The following ERGIC3 variants were observed in gnomAD, a reference collection of about 807,000 sequenced individuals.
ERGIC3 encodes ERGIC and golgi 3, also known as endoplasmic reticulum-Golgi intermediate compartment protein 3.
In ERGIC3, 33 loss-of-function variants were observed where a neutral mutation model predicts 54.7. The ratio of observed to expected loss-of-function variants is 0.60; its 90% CI spans 0.46 to 0.81. The LOEUF is 0.81. Among genes scored for constraint, ERGIC3 ranks in the 30% least tolerant of loss-of-function variants. ERGIC3 has a pLI of 0.00. For missense variants in ERGIC3, 399 were observed against 488.4 expected (o/e 0.82, Z 1.73); for synonymous variants, 186 against 189.8 (o/e 0.98, Z 0.16).
chr20:35,548,021 A>AT (rs199844259), intron 5 of ERGIC3, among the ~76,000 whole-genome samples: 2,403 of 151,828 alleles, frequency 0.016, 51 homozygotes, highest in African/African-American at 0.055. Context: ...GTGTACTTAA[A>AT]TTTTTTTTTA....
intron 4 of ERGIC3, chr20:35,543,794 TGGA>T: frequency 2.2e-6 from 1 of 448,474 alleles, no homozygotes; most frequent in Non-Finnish European, 4.7e-6. Context: ...TGGAGATGAC[TGGA>T]GGAGAAGGTT....
At chr20:35,544,619 C>G (rs1051706458) in intron 4 of ERGIC3, 2 of 242,942 alleles carry the variant, frequency 8.2e-6, no homozygotes, top group Non-Finnish European at 1.8e-5. Flanking sequence ...CCTCTCGGAT[C>G]ATGTCCCACA....
chr20:35,543,750 A>G (rs1188720893), intron 4 of ERGIC3: 5 of 469,834 alleles, frequency 1.1e-5, no homozygotes, highest in South Asian at 4.6e-5. Context: ...GTTGATTCCA[A>G]CGCTTTCAGC....
intron 4 of ERGIC3, among the ~76,000 whole-genome samples, chr20:35,547,019 C>T (rs993252078): frequency 6.6e-6 from 1 of 152,152 alleles, no homozygotes; most frequent in Admixed American, 6.5e-5. Flanking sequence ...GTGGCATACA[C>T]GTTGGAATTA....
At chr20:35,547,727 C>T (rs2064656929) in intron 5 of ERGIC3, among the ~76,000 whole-genome samples, 1 of 152,230 alleles carries the variant, frequency 6.6e-6, no homozygotes, top group African/African-American at 2.4e-5. Context: ...GGTCTCTGCT[C>T]TTCCACCTAG....
rs187103039 is a variant in ERGIC3, at chr20:35,547,514, G to C, written c.461+9G>C. The C allele has an allele frequency of 5.0e-6, 8 of 1,609,018 alleles. No individual in the cohort carries two copies. The highest frequency in any genetic ancestry group is 2.7e-5 in the African/African-American group (2 of 74,890). ...GAGGCAGAAGATATCAAGTGAGCTGGCGGGGAGCGGGAGCAGGGTTCCCAT... is the reference window on the plus strand; with the variant it reads ...GAGGCAGAAGATATCAAGTGAGCTGCCGGGGAGCGGGAGCAGGGTTCCCAT... On this transcript the variant is annotated intron_variant, in intron 5 of 12. Coordinates refer to ENST00000348547, the MANE Select transcript of ERGIC3 (RefSeq NM_015966.3).
rs1490932839 is a variant in ERGIC3, at chr20:35,547,419, G to A, written c.375G>A (p.Gly125=). The A allele has an allele frequency of 1.2e-6, 2 of 1,613,982 alleles. No homozygotes were observed. Among genetic ancestry groups the A allele is most frequent in the African/African-American group, 2.7e-5 (2 of 74,896 alleles). ...VSSEAERHEL[G]KVEVTVFDPD... ...CTTCTCCCCTCCCCTTAGAGCTTGG[G>A]AAAGTCGAGGTGACGGTGTTTGACC... Residue 125 remains glycine (G), a synonymous_variant, in exon 5 of 13, where the codon GGG becomes GGA. Coordinates refer to ENST00000348547, the MANE Select transcript of ERGIC3 (RefSeq NM_015966.3).
At chr20:35,552,508 G>C (rs1180509506) in intron 7 of ERGIC3, among the ~76,000 whole-genome samples, 2 of 152,180 alleles carry the variant, frequency 1.3e-5, no homozygotes, top group African/African-American at 4.8e-5. Flanking sequence ...AGGTGAGGGA[G>C]TCAAATATGT....
Position 35,542,795 on chromosome 20 carries a change from A to T in ERGIC3, c.248-27A>T. On this transcript the variant is annotated intron_variant, in intron 3 of 12. Transcript: ENST00000348547. Reference sequence around the variant, plus strand: ...ATCCCCTTGTCCCTAGGGTCCCAGTACCTTAGCCTGATTTTCCTGCTTCCA... The same window carrying T: ...ATCCCCTTGTCCCTAGGGTCCCAGTTCCTTAGCCTGATTTTCCTGCTTCCA... 1.9e-6 allele frequency: 3 copies of T among 1,613,868 alleles called. No homozygotes were observed. The South Asian group carries it at 3.3e-5, about 18-fold the overall frequency.
chr20:35,543,331 G>A, intron 4 of ERGIC3: 1 of 333,746 alleles, frequency 3.0e-6, no homozygotes, highest in East Asian at 7.6e-5. Flanking sequence ...TTGGAATGCA[G>A]GTGGTTTAAT....
At chr20:35,556,877 G>T (rs2064716146) in intron 10 of ERGIC3, 96 bp from the exon 11 acceptor site, 2 of 1,558,264 alleles carry the variant, frequency 1.3e-6, no homozygotes, top group East Asian at 4.6e-5. Flanking sequence ...CACGGCCAAG[G>T]CTCAACAGGA....
At chr20:35,542,635 C>G (rs1254793030) in intron 3 of ERGIC3, 35 bp downstream of exon 3, 1 of 1,611,902 alleles carries the variant, frequency 6.2e-7, no homozygotes, top group East Asian at 2.2e-5. Flanking sequence ...CTGGAGAGAC[C>G]CAGGGTTCTC....
At position 35,542,826 on chromosome 20, in the gene ERGIC3, G is replaced by T; in HGVS notation, c.252G>T (p.Leu84=). ...VLFPHMPCAY[L]SIDAMDVAGE... is the part of the protein sequence containing the mutation. Reference sequence around the variant, plus strand: ...GCCTGATTTTCCTGCTTCCAGATCTGAGTATTGATGCCATGGATGTGGCCG... The same window carrying T: ...GCCTGATTTTCCTGCTTCCAGATCTTAGTATTGATGCCATGGATGTGGCCG... The change falls in exon 4 of 13, where the codon CTG becomes CTT. Residue 84 remains leucine, a synonymous_variant. Coordinates refer to ENST00000348547, the MANE Select transcript of ERGIC3 (RefSeq NM_015966.3). 1 of 1,614,056 alleles carries T rather than the reference G, an allele frequency of 6.2e-7. No homozygotes were observed. The highest frequency in any genetic ancestry group is 1.1e-5 in the South Asian group (1 of 91,028).
Position 35,557,103 on chromosome 20 carries a change from A to C in ERGIC3, c.1010A>C (p.Lys337Thr). 1 of 1,614,216 alleles carries C rather than the reference A, an allele frequency of 6.2e-7. No homozygotes were observed. Among genetic ancestry groups the C allele is most frequent in the Non-Finnish European group, 8.5e-7 (1 of 1,180,028 alleles). ...CCCATGATGGTGAAGCTGACGGAGA[A>C]GCACAGGTGAGGATGGGGGCAAAGC... ...LSPMMVKLTEKHRSFTHFLTG... is the reference protein window; with the variant it reads ...LSPMMVKLTETHRSFTHFLTG... Residue 337 changes from lysine (K) to threonine (T), a missense_variant, in exon 11 of 13, where the codon AAG (lysine) becomes ACG (threonine). Coordinates refer to ENST00000348547, the MANE Select transcript of ERGIC3 (RefSeq NM_015966.3).
chr20:35,542,888 A>G lies in ERGIC3; in HGVS notation c.314A>G (p.Lys105Arg), dbSNP rs1348974159. The change falls in exon 4 of 13, where the codon AAG (lysine) becomes AGG (arginine). Residue 105 changes from lysine to arginine, a missense_variant. By Grantham distance (26) the Lys-to-Arg change is conservative. Coordinates refer to ENST00000348547, the MANE Select transcript of ERGIC3 (RefSeq NM_015966.3). ...QQLDVEHNLF[K>R]QRLDKDGIPV... ...CTGGATGTGGAACACAACCTGTTCAAGCAACGACTAGATAAAGATGGCATC... is the reference window on the plus strand; with the variant it reads ...CTGGATGTGGAACACAACCTGTTCAGGCAACGACTAGATAAAGATGGCATC... 2.5e-6 allele frequency: 4 copies of G among 1,614,202 alleles called. No individual in the cohort carries two copies. Among genetic ancestry groups the G allele is most frequent in the Admixed American group, 3.3e-5 (2 of 60,024 alleles).
Position 35,547,457 on chromosome 20 carries a change from A to G in ERGIC3, c.413A>G (p.Asp138Gly), listed in dbSNP as rs1601362269. 2 of 1,614,034 alleles carry G rather than the reference A, an allele frequency of 1.2e-6. No homozygotes were observed. Among genetic ancestry groups the G allele is most frequent in the African/African-American group, 1.3e-5 (1 of 75,010 alleles). Residue 138 changes from aspartate to glycine, a missense_variant, in exon 5 of 13, where the codon GAC (aspartate) becomes GGC (glycine). Transcript: ENST00000348547. ...EVTVFDPDSLDPDRCESCYGA... is the reference protein window; with the variant it reads ...EVTVFDPDSLGPDRCESCYGA... The stretch of plus-strand genomic sequence containing the variant: ...ACGGTGTTTGACCCTGACTCCCTGG[A>G]CCCTGATCGCTGTGAGAGCTGCTAT...
At chr20:35,547,150 A>G in intron 4 of ERGIC3, 1 of 334,928 alleles carries the variant, frequency 3.0e-6, no homozygotes, top group Non-Finnish European at 5.6e-6. Context: ...TGGGGATGAA[A>G]TGAGATGATG....
rs1208018773 is a variant in ERGIC3, at chr20:35,542,163, C to T, written c.66C>T (p.Val22=). The T allele has an allele frequency of 1.9e-6, 3 of 1,579,358 alleles. No homozygotes were observed. Among genetic ancestry groups the T allele is most frequent in the South Asian group, 2.3e-5 (2 of 86,222 alleles). ...AYPKTLEDFR[V]KTCGGATVTI... ...CCAAGACTTTGGAGGACTTCCGGGT[C>T]AAGACCTGCGGGGGCGCCACCGGTA... Residue 22 remains valine (V), a synonymous_variant, in exon 1 of 13, where the codon GTC becomes GTT. Transcript: ENST00000348547.
At chr20:35,542,963 G>C (rs544796354) in intron 4 of ERGIC3, 22 bp downstream of exon 4, 12 of 1,613,332 alleles carry the variant, frequency 7.4e-6, no homozygotes, top group Middle Eastern at 1.7e-4. Flanking sequence ...AGGGGGCCGG[G>C]TCTCAGATCC....
Sources: allele counts gnomAD v4.1 joint callset (sites outside exome capture counted in the v4.1 genomes callset), GRCh38; gene constraint gnomAD v4.1.1; transcripts MANE v1.5; gene names NCBI Gene and HGNC (gene_info 2026-07-23, HGNC 2026-07-21).